Variants in CAPZA2 observed in about 807,000 individuals in gnomAD.
CAPZA2 encodes F-actin-capping protein subunit alpha-2.
CAPZA2 carries 13 observed loss-of-function variants against 44.0 expected under a neutral mutation model. That is an observed-to-expected ratio of 0.30 (90% CI 0.19 to 0.47). The LOEUF (loss-of-function observed/expected upper bound fraction) is 0.47. Among genes scored for constraint, CAPZA2 ranks in the 20% least tolerant of loss-of-function variants. The pLI is 1.00. For missense variants in CAPZA2, 244 were observed against 338.6 expected (o/e 0.72, Z 2.19); for synonymous variants, 94 against 108.2 (o/e 0.87, Z 0.81).
chr7:116,863,624 G>A (rs1217513470), intron 1 of CAPZA2, among the ~76,000 whole-genome samples: 1 of 152,170 alleles, frequency 6.6e-6, no homozygotes, highest in Non-Finnish European at 1.5e-5. Flanking sequence ...GGGTAGGGGA[G>A]AACCCTGCTA....
intron 1 of CAPZA2, among the ~76,000 whole-genome samples, chr7:116,863,046 G>C (rs2115855037): frequency 6.6e-6 from 1 of 152,304 alleles, no homozygotes; most frequent in African/African-American, 2.4e-5. Context: ...GTCCGTGCGT[G>C]GGAGCGGCCC....
In CAPZA2 at chr7:116,893,048, A is replaced by G. The variant is rs1214251425; in HGVS notation, c.155+3A>G. On this transcript the variant is annotated splice_donor_region_variant and intron_variant, in intron 3 of 9. Coordinates refer to ENST00000361183, the MANE Select transcript of CAPZA2 (RefSeq NM_006136.3). ...CTTCTCAGGGAAGGAGCAGCCCAGTAAGTATTATTTATCATACTAACCTAA... is the reference window on the plus strand; with the variant it reads ...CTTCTCAGGGAAGGAGCAGCCCAGTGAGTATTATTTATCATACTAACCTAA... 2 of 1,586,054 alleles carry G rather than the reference A, an allele frequency of 1.3e-6. No individual in the cohort carries two copies. The highest frequency in any genetic ancestry group is 1.1e-5 in the South Asian group (1 of 88,428).
At chr7:116,897,186 C>T (rs113777839) in intron 3 of CAPZA2, among the ~76,000 whole-genome samples, 1 of 152,060 alleles carries the variant, frequency 6.6e-6, no homozygotes, top group Non-Finnish European at 1.5e-5. Context: ...TTAAATATGA[C>T]CTTACTGGAA....
intron 8 of CAPZA2, among the ~76,000 whole-genome samples, chr7:116,913,960 A>G (rs1313048829): frequency 1.3e-5 from 2 of 151,710 alleles, no homozygotes; most frequent in Non-Finnish European, 2.9e-5. Context: ...TGTGTCATAT[A>G]CCTAAAAGTA....
chr7:116,912,393 TGGA>T (rs1791608694), intron 8 of CAPZA2, among the ~76,000 whole-genome samples: 1 of 152,156 alleles, frequency 6.6e-6, no homozygotes, highest in Non-Finnish European at 1.5e-5. Context: ...CTAACAGGGT[TGGA>T]CAGCAGTCAC....
intron 8 of CAPZA2, among the ~76,000 whole-genome samples, chr7:116,913,809 T>C (rs1159651581): frequency 1.4e-5 from 2 of 147,180 alleles, no homozygotes; most frequent in Non-Finnish European, 3.0e-5. Flanking sequence ...GAGATGGGGT[T>C]TCACCATGTT....
intron 1 of CAPZA2, among the ~76,000 whole-genome samples, chr7:116,862,950 G>A (rs1287047662): frequency 6.6e-6 from 1 of 152,066 alleles, no homozygotes; most frequent in Non-Finnish European, 1.5e-5. Context: ...GGAGGGCGGC[G>A]GCTGCCCAGG....
In CAPZA2 at chr7:116,921,239, C is replaced by G. The variant is rs1791766474; in HGVS notation, c.*3372C>G. The G allele has an allele frequency of 6.6e-6, 1 of 152,304 alleles. No homozygotes were observed. 9.4% of individuals were successfully genotyped at this position (152,304 alleles called of 1,614,324 possible). On this transcript the variant is annotated 3_prime_UTR_variant, in exon 10 of 10. Coordinates refer to ENST00000361183, the MANE Select transcript of CAPZA2 (RefSeq NM_006136.3). ...TCTCTACTAAAAATACAAAAATTAG[C>G]TGGGCGTGGTGGTGTGCCTGTAGTC...
intron 3 of CAPZA2, among the ~76,000 whole-genome samples, chr7:116,896,580 A>T (rs569700067): frequency 6.6e-6 from 1 of 152,148 alleles, no homozygotes; most frequent in Non-Finnish European, 1.5e-5. Context: ...AAGAAAAATG[A>T]TGTGGCTAAA....
At chr7:116,892,943 A>G (rs540436981) in intron 2 of CAPZA2, 51 bp from the exon 3 acceptor site, 5 of 1,339,096 alleles carry the variant, frequency 3.7e-6, no homozygotes, top group Middle Eastern at 1.9e-4. Context: ...CGTTCATTAC[A>G]TTCTTGAAAC....
At chr7:116,876,371 G>A (rs2115885942) in intron 1 of CAPZA2, 1 of 152,158 alleles carries the variant, frequency 6.6e-6, no homozygotes, top group East Asian at 1.9e-4. Flanking sequence ...CCTTTGTCAG[G>A]TTGGCTCAGA....
chr7:116,884,460 C>T (rs1231539621), intron 1 of CAPZA2, among the ~76,000 whole-genome samples: 2 of 152,090 alleles, frequency 1.3e-5, no homozygotes, highest in African/African-American at 2.4e-5. Flanking sequence ...ATCTTTTCGT[C>T]ATTGCTCTAA....
intron 3 of CAPZA2, among the ~76,000 whole-genome samples, chr7:116,893,756 A>G (rs1019741146): frequency 2.6e-5 from 4 of 152,200 alleles, no homozygotes; most frequent in African/African-American, 9.7e-5. Context: ...ATAAATGCCT[A>G]ACGTAGTACC....
At chr7:116,880,749 C>T (rs1796686895) in intron 1 of CAPZA2, among the ~76,000 whole-genome samples, 4 of 71,792 alleles carry the variant, frequency 5.6e-5, no homozygotes, top group East Asian at 4.7e-4. Context: ...CAGTCTTGCT[C>T]TGTCGCCCAG....
At chr7:116,897,798 C>T (rs1012469359) in intron 3 of CAPZA2, among the ~76,000 whole-genome samples, 2 of 152,070 alleles carry the variant, frequency 1.3e-5, no homozygotes, top group East Asian at 3.8e-4. Context: ...GGATCCATCT[C>T]GTCACCATTT....
intron 1 of CAPZA2, among the ~76,000 whole-genome samples, chr7:116,877,972 G>A (rs1462011782): frequency 6.6e-6 from 1 of 152,194 alleles, no homozygotes; most frequent in Non-Finnish European, 1.5e-5. Flanking sequence ...TCAAATAAAA[G>A]GGGAATGGAC....
At chr7:116,875,508 A>G (rs1431349046) in intron 1 of CAPZA2, 1 of 151,900 alleles carries the variant, frequency 6.6e-6, no homozygotes, top group Admixed American at 6.6e-5. Flanking sequence ...ATCACTTCCA[A>G]AGTCTCAGTA....
In CAPZA2 at chr7:116,906,625, A is replaced by T. The variant is rs892234588; in HGVS notation, c.506+283A>T. ...GCGAGAACACCAGTTGGCAATCCAT[A>T]TGCTCATTCTGTGAAGGGGCTGTTC... On this transcript the variant is annotated intron_variant, in intron 6 of 9. Coordinates refer to ENST00000361183, the MANE Select transcript of CAPZA2 (RefSeq NM_006136.3). The T allele has an allele frequency of 9.9e-6, 3 of 301,976 alleles. No homozygotes were observed. The South Asian group carries it at 2.5e-4, about 25-fold the overall frequency. The allele number at this position is 301,976 out of a possible 1,614,324, so 18.7% of individuals were successfully genotyped here.
At chr7:116,868,492 G>A (rs1021175883) in intron 1 of CAPZA2, among the ~76,000 whole-genome samples, 17 of 152,304 alleles carry the variant, frequency 1.1e-4, no homozygotes, top group African/African-American at 3.9e-4. Flanking sequence ...CAGCACTTTG[G>A]GAGGCTGAGG....
Sources: gnomAD v4.1 joint callset for allele counts (sites outside exome capture counted in the v4.1 genomes callset) on GRCh38, gnomAD v4.1.1 for gene constraint, MANE v1.5 for transcripts, NCBI Gene and HGNC (gene_info 2026-07-23, HGNC 2026-07-21) for gene names.